Variants in ST7 observed in about 807,000 individuals in gnomAD.
ST7 encodes the protein suppression of tumorigenicity 7.
ST7 carries 28 observed loss-of-function variants against 78.7 expected under a neutral mutation model. The ratio of observed to expected loss-of-function variants is 0.36; its 90% CI spans 0.26 to 0.49. The LOEUF (loss-of-function observed/expected upper bound fraction) is 0.49. Among genes scored for constraint, ST7 ranks in the 20% least tolerant of loss-of-function variants. ST7 has a pLI of 0.99. For missense variants in ST7, 418 were observed against 696.0 expected (o/e 0.60, Z 4.49); for synonymous variants, 247 against 249.6 (o/e 0.99, Z 0.10).
intron 12 of ST7, among the ~76,000 whole-genome samples, chr7:117,198,735 C>T (rs557745685): frequency 1.3e-5 from 2 of 152,098 alleles, no homozygotes; most frequent in Admixed American, 6.5e-5. Context: ...CCTGCCTCCT[C>T]AGGTGGAACA....
intron 1 of ST7, among the ~76,000 whole-genome samples, chr7:117,088,904 AT>A (rs1333174070): frequency 2.0e-5 from 3 of 152,162 alleles, no homozygotes; most frequent in African/African-American, 7.2e-5. Flanking sequence ...CAATCCAAAC[AT>A]TTCAATTCCC....
chr7:116,955,191 T>C (rs1792394015), intron 1 of ST7: 1 of 451,220 alleles, frequency 2.2e-6, no homozygotes, highest in South Asian at 1.6e-5. Flanking sequence ...CAAAGTTCTA[T>C]ACCTTTAAGA....
intron 1 of ST7, among the ~76,000 whole-genome samples, chr7:117,001,458 G>T (rs1354274773): frequency 6.6e-6 from 1 of 152,128 alleles, no homozygotes; most frequent in East Asian, 1.9e-4. Flanking sequence ...CTTGATAAAT[G>T]AGCTGGAAAA....
In ST7 at chr7:117,099,858, T is replaced by A. The variant is rs1172379630; in HGVS notation, c.234+14T>A. The A allele has an allele frequency of 1.9e-6, 3 of 1,601,470 alleles. No individual in the cohort carries two copies. In the Admixed American group the frequency reaches 5.1e-5, roughly 27 times the overall value. ...GGGCTTATTTTGGTAAGTGGTGGAGTCCTTCTCATTTAAAAACATGCTGAT... is the reference window on the plus strand; with the variant it reads ...GGGCTTATTTTGGTAAGTGGTGGAGACCTTCTCATTTAAAAACATGCTGAT... On this transcript the variant is annotated intron_variant, in intron 2 of 15. Coordinates refer to ENST00000323984, the MANE Select transcript of ST7 (RefSeq NM_001369598.1).
chr7:117,164,088 G>A (rs531100947), intron 9 of ST7, among the ~76,000 whole-genome samples: 108 of 152,272 alleles, frequency 7.1e-4, no homozygotes, highest in African/African-American at 2.5e-3. Context: ...CAAAGCTGGA[G>A]GCATCATACT....
At chr7:117,074,010 A>C (rs578144089) in intron 1 of ST7, 63 of 152,318 alleles carry the variant, frequency 4.1e-4, no homozygotes, top group African/African-American at 1.5e-3. Flanking sequence ...TAAGAAAAAA[A>C]TTACACTAGT....
chr7:116,983,888 A>G (rs944269150), intron 1 of ST7, among the ~76,000 whole-genome samples: 1 of 152,194 alleles, frequency 6.6e-6, no homozygotes, highest in Non-Finnish European at 1.5e-5. Flanking sequence ...CAGTTACTAC[A>G]TACTTAAAGT....
In ST7 at chr7:117,078,235, C is replaced by G. The variant is rs572194802; in HGVS notation, c.152-21527C>G. ...ATGTTCATGTAGTAGTTTTATACAA[C>G]TGGCATCAAATCCAAAGCATAGCTT... On this transcript the variant is annotated intron_variant, in intron 1 of 15. Coordinates refer to ENST00000323984, the MANE Select transcript of ST7 (RefSeq NM_001369598.1). Among the ~76,000 whole-genome samples, 3 of 152,336 alleles carry G rather than the reference C, an allele frequency of 2.0e-5. No individual in the cohort carries two copies. The East Asian group carries it at 5.8e-4, about 29-fold the overall frequency.
intron 13 of ST7, among the ~76,000 whole-genome samples, chr7:117,215,992 A>G (rs763919962): frequency 2.0e-5 from 3 of 152,088 alleles, no homozygotes; most frequent in Non-Finnish European, 4.4e-5. Flanking sequence ...AGGTAGAGTA[A>G]GAAGAGGTCA....
intron 1 of ST7, among the ~76,000 whole-genome samples, chr7:117,070,083 T>C (rs1008658453): frequency 3.9e-5 from 6 of 152,236 alleles, no homozygotes. Context: ...AATCGTGGAC[T>C]TAGTGTGGCT....
intron 1 of ST7, among the ~76,000 whole-genome samples, chr7:117,039,867 A>G (rs1000747605): frequency 9.2e-5 from 14 of 152,172 alleles, no homozygotes; most frequent in Admixed American, 5.2e-4. Context: ...CTGTAGTCGC[A>G]AATCAGACTC....
intron 4 of ST7, 50 bp from the exon 5 acceptor site, chr7:117,130,441 C>G: frequency 7.3e-7 from 1 of 1,366,984 alleles, no homozygotes; most frequent in Non-Finnish European, 1.0e-6. Context: ...TTTTATAGGT[C>G]TTGCTTTTCT....
At chr7:117,016,448 G>A (rs1231634788) in intron 1 of ST7, among the ~76,000 whole-genome samples, 2 of 152,134 alleles carry the variant, frequency 1.3e-5, no homozygotes, top group Non-Finnish European at 2.9e-5. Context: ...CACCATCATT[G>A]AAGAATTCTT....
chr7:116,953,783 T>G (rs1792273691), intron 1 of ST7, 92 bp downstream of exon 1: 1 of 917,660 alleles, frequency 1.1e-6, no homozygotes, highest in Non-Finnish European at 1.3e-6. Flanking sequence ...AGGCGCGCGC[T>G]CGGGGACGCG....
intron 9 of ST7, among the ~76,000 whole-genome samples, chr7:117,152,133 A>G (rs1467620154): frequency 7.2e-6 from 1 of 139,492 alleles, no homozygotes; most frequent in Non-Finnish European, 1.5e-5. Context: ...AAAAATAATA[A>G]TAATTTATAT....
chr7:117,225,438 C>T (rs1414538842), intron 15 of ST7, among the ~76,000 whole-genome samples: 1 of 152,162 alleles, frequency 6.6e-6, no homozygotes, highest in East Asian at 1.9e-4. Flanking sequence ...TCATTAAGGT[C>T]TAGCAGTTTC....
At chr7:117,021,959 G>A (rs1795939698) in intron 1 of ST7, among the ~76,000 whole-genome samples, 1 of 152,182 alleles carries the variant, frequency 6.6e-6, no homozygotes, top group Non-Finnish European at 1.5e-5. Context: ...TTATGCAGGA[G>A]CCTAGGTATG....
chr7:117,047,481 A>T (rs1223254974), intron 1 of ST7, among the ~76,000 whole-genome samples: 1 of 152,306 alleles, frequency 6.6e-6, no homozygotes, highest in South Asian at 2.1e-4. Context: ...TTCACATGAT[A>T]TAATTATATT....
At chr7:117,152,125 A>T (rs1057187864) in intron 9 of ST7, among the ~76,000 whole-genome samples, 15 of 143,390 alleles carry the variant, frequency 1.0e-4, no homozygotes, top group Admixed American at 4.3e-4. Flanking sequence ...TCTCAAAAAA[A>T]AATAATAATA....
Sources: allele counts gnomAD v4.1 joint callset (sites outside exome capture counted in the v4.1 genomes callset), GRCh38; gene constraint gnomAD v4.1.1; transcripts MANE v1.5; gene names NCBI Gene and HGNC (gene_info 2026-07-23, HGNC 2026-07-21).